Variants in BICRA observed in about 807,000 individuals in gnomAD.
The protein encoded by BICRA is BRD4 interacting chromatin remodeling complex associated protein, also known as BRD4-interacting chromatin-remodeling complex-associated protein.
BICRA carries 31 observed loss-of-function variants against 96.9 expected under a neutral mutation model. That is an observed-to-expected ratio of 0.32 (90% CI 0.24 to 0.43). BICRA has a LOEUF of 0.43. Ranked by LOEUF, BICRA falls within the 20% of genes least tolerant of loss-of-function variation. BICRA has a pLI of 1.00. For missense variants in BICRA, 2,283 were observed against 2,190.3 expected (o/e 1.04, Z -0.84); for synonymous variants, 1,350 against 1,071.8 (o/e 1.26, Z -5.07).
chr19:47,647,654 A>AT (rs1237047193), intron 1 of BICRA, among the ~76,000 whole-genome samples: 1 of 151,880 alleles, frequency 6.6e-6, no homozygotes, highest in African/African-American at 2.4e-5. Context: ...TTCTTGTAGA[A>AT]TCCTCCTTCC....
Position 47,680,191 on chromosome 19 carries a change from A to G in BICRA, c.1021A>G (p.Asn341Asp). ...CTCGTCGCCACTGGTCCCGGCGCCC[A>G]ACGTGATCCTGCATCGCACACCCAC... ...LGSSPLVPAP[N>D]VILHRTPTPI... Residue 341 changes from asparagine (N) to aspartate (D), a missense_variant, in exon 6 of 15, where the codon AAC (asparagine) becomes GAC (aspartate). Asn to Asp is a conservative substitution (Grantham distance 23, BLOSUM62 1). Transcript: ENST00000594866. 6.5e-7 allele frequency: 1 copy of G among 1,546,012 alleles called. No individual in the cohort carries two copies. The highest frequency in any genetic ancestry group is 8.7e-7 in the Non-Finnish European group (1 of 1,155,000).
chr19:47,692,906 CTT>C (rs1160497817), intron 7 of BICRA, among the ~76,000 whole-genome samples: 1 of 152,204 alleles, frequency 6.6e-6, no homozygotes, highest in Non-Finnish European at 1.5e-5. Flanking sequence ...ACTCAGTCAG[CTT>C]TGAGAAATGG....
intron 1 of BICRA, among the ~76,000 whole-genome samples, chr19:47,659,724 ACACACACACG>A (rs1292287963): frequency 1.5e-4 from 22 of 143,208 alleles, no homozygotes; most frequent in Non-Finnish European, 3.1e-4. Context: ...ACACACACAC[ACACACACACG>A]TTCTCTTCTC....
At position 47,694,124 on chromosome 19, in the gene BICRA, G is replaced by T; in HGVS notation, c.2293G>T (p.Ala765Ser). ...TCCCTCCCCTGCCCAGATCCCGGCA[G>T]CGGCTCCGCTGAAGGGCCCAGGCCC... is the stretch of plus-strand genomic sequence containing the variant. ...SPAPAPQIPA[A>S]APLKGPGPSS... Residue 765 changes from alanine to serine, a missense_variant, in exon 8 of 15, where the codon GCG (alanine) becomes TCG (serine). Physicochemically the swap from Ala to Ser is moderately conservative, Grantham distance 99. Coordinates refer to ENST00000594866, the MANE Select transcript of BICRA (RefSeq NM_001394372.1). 1 of 1,226,436 alleles carries T rather than the reference G, an allele frequency of 8.2e-7. No individual in the cohort carries two copies. The highest frequency in any genetic ancestry group is 6.3e-5 in the East Asian group (1 of 15,894). The allele number at this position is 1,226,436 out of a possible 1,614,324, so 76.0% of individuals were successfully genotyped here.
chr19:47,694,077 A>ACCCCCCCCCCCCCCCCC, intron 7 of BICRA, 38 bp from the exon 8 acceptor site: 1 of 1,410,510 alleles, frequency 7.1e-7, no homozygotes, highest in Non-Finnish European at 9.2e-7. Context: ...GTTGGTTCTG[A>ACCCCCCCCCCCCCCCCC]CCCCCGCCCC....
rs769430100 is a variant in BICRA at position 47,695,076 on chromosome 19, C to A, written c.3072C>A (p.Ala1024=). Residue 1024 remains alanine (A), a synonymous_variant, in exon 9 of 15, where the codon GCC becomes GCA. Coordinates refer to ENST00000594866, the MANE Select transcript of BICRA (RefSeq NM_001394372.1). ...SHAPAPAPMA[A]TGLPPLLPAE... ...CCCCCGCCCCGGCACCCATGGCCGCCACAGGTAGGAGAGAGGTCGCCTATG... is the reference window on the plus strand; with the variant it reads ...CCCCCGCCCCGGCACCCATGGCCGCAACAGGTAGGAGAGAGGTCGCCTATG... 1 of 1,493,748 alleles carries A rather than the reference C, an allele frequency of 6.7e-7. No individual in the cohort carries two copies. The highest frequency in any genetic ancestry group is 8.8e-7 in the Non-Finnish European group (1 of 1,130,750). The allele number at this position is 1,493,748 out of a possible 1,614,324, so 92.5% of individuals were successfully genotyped here.
Position 47,702,172 on chromosome 19 carries a change from C to G in BICRA, c.4440C>G (p.Pro1480=). 3 of 1,577,934 alleles carry G rather than the reference C, an allele frequency of 1.9e-6. No individual in the cohort carries two copies. The highest frequency in any genetic ancestry group is 2.6e-6 in the Non-Finnish European group (3 of 1,169,132). Residue 1480 remains proline, a synonymous_variant, in exon 15 of 15, where the codon CCC becomes CCG. Coordinates refer to ENST00000594866, the MANE Select transcript of BICRA (RefSeq NM_001394372.1). ...PPAKRRKSES[P]DVDQASFSSD... is the part of the protein sequence containing the mutation. The stretch of plus-strand genomic sequence containing the variant: ...CCAAGCGGCGCAAGTCCGAGTCGCC[C>G]GACGTGGACCAGGCCAGCTTCTCCA...
chr19:47,637,628 T>C (rs1972319602), intron 1 of BICRA, among the ~76,000 whole-genome samples: 1 of 152,198 alleles, frequency 6.6e-6, no homozygotes, highest in Non-Finnish European at 1.5e-5. Flanking sequence ...AACGGTCATC[T>C]CTGTCTAGTT....
In BICRA at chr19:47,614,181, C is replaced by T. The variant is rs539633429; in HGVS notation, c.-108+5013C>T. Among the ~76,000 whole-genome samples the T allele has an allele frequency of 1.1e-4, 17 of 152,070 alleles. 1 individual carries two copies. Among genetic ancestry groups the T allele is most frequent in the South Asian group, 4.2e-4 (2 of 4,814 alleles). On this transcript the variant is annotated intron_variant, in intron 1 of 14. Transcript: ENST00000594866. Reference sequence around the variant, plus strand: ...CCTTTTGTTCTAAGTGATACACACACGGGGCAAATTCAGAACACTAAAGAT... The same window carrying T: ...CCTTTTGTTCTAAGTGATACACACATGGGGCAAATTCAGAACACTAAAGAT...
chr19:47,639,170 AT>A (rs1972345602), intron 1 of BICRA, among the ~76,000 whole-genome samples: 2 of 147,314 alleles, frequency 1.4e-5, no homozygotes, highest in South Asian at 2.2e-4. Context: ...TACCTGACTA[AT>A]TTTTTTTCAT....
rs1973411823 is a variant in BICRA, at chr19:47,699,785, A to G, written c.3595+380A>G. Among the ~76,000 whole-genome samples, 1 of 152,116 alleles carries G rather than the reference A, an allele frequency of 6.6e-6. No homozygotes were observed. Among genetic ancestry groups the G allele is most frequent in the Admixed American group, 6.6e-5 (1 of 15,254 alleles). ...GACCCTGAGAGTGAGCACCTCCTTA[A>G]GTGTTGCACCTTAGGTGGCTCGCTG... On this transcript the variant is annotated intron_variant, in intron 14 of 14. Coordinates refer to ENST00000594866, the MANE Select transcript of BICRA (RefSeq NM_001394372.1). The surrounding 1 kb of genome is among the most constrained non-coding windows in gnomAD (Gnocchi z 5.0).
At chr19:47,673,544 C>G in intron 2 of BICRA, 26 bp from the exon 3 acceptor site, 10 of 1,603,726 alleles carry the variant, frequency 6.2e-6, no homozygotes, top group Non-Finnish European at 7.7e-6. Context: ...TCTCCCTCGC[C>G]CTCTTCCTGA....
chr19:47,613,555 C>T lies in BICRA; in HGVS notation c.-108+4387C>T, dbSNP rs140852493. Among the ~76,000 whole-genome samples, 40 of 152,270 alleles carry T rather than the reference C, an allele frequency of 2.6e-4. No individual in the cohort carries two copies. The East Asian group carries it at 7.7e-3, about 29-fold the overall frequency. ...GTAGAAACAAGAGCAGTCACCCGTG[C>T]CGTGTCCACGATGACAACTGCTGCC... On this transcript the variant is annotated intron_variant, in intron 1 of 14. Coordinates refer to ENST00000594866, the MANE Select transcript of BICRA (RefSeq NM_001394372.1).
intron 1 of BICRA, among the ~76,000 whole-genome samples, chr19:47,616,738 G>T (rs1971990796): frequency 6.6e-6 from 1 of 152,198 alleles, no homozygotes; most frequent in Middle Eastern, 3.4e-3. Flanking sequence ...ACGCTTCAAT[G>T]AGTGAAGACT....
chr19:47,630,521 T>A (rs1972207192), intron 1 of BICRA, among the ~76,000 whole-genome samples: 1 of 152,180 alleles, frequency 6.6e-6, no homozygotes, highest in Non-Finnish European at 1.5e-5. Context: ...ATCCAGTATT[T>A]GTCCTTTTGT....
intron 1 of BICRA, among the ~76,000 whole-genome samples, chr19:47,637,451 G>A (rs1160743475): frequency 2.0e-5 from 3 of 152,150 alleles, no homozygotes; most frequent in Middle Eastern, 3.2e-3. Context: ...GTCTTGCTCT[G>A]TTGCTCAGGC....
chr19:47,620,990 C>A (rs1972057503), intron 1 of BICRA, among the ~76,000 whole-genome samples: 1 of 152,104 alleles, frequency 6.6e-6, no homozygotes, highest in Non-Finnish European at 1.5e-5. Context: ...CCCTGGCTGC[C>A]TCCCTGGTGC....
chr19:47,635,564 A>AT lies in BICRA; in HGVS notation c.-108+26403dup, dbSNP rs968181152. On this transcript the variant is annotated intron_variant, in intron 1 of 14. Coordinates refer to ENST00000594866, the MANE Select transcript of BICRA (RefSeq NM_001394372.1). ...CACTGCACCTGTTTCTATTTCTAGG[A>AT]TTTTTTTCAAACAGAAGCTCGATAC... Among the ~76,000 whole-genome samples the AT allele has an allele frequency of 5.3e-5, 8 of 151,972 alleles. No homozygotes were observed. In the South Asian group the frequency reaches 1.7e-3, roughly 32 times the overall value.
intron 2 of BICRA, 113 bp from the exon 3 acceptor site, chr19:47,673,457 G>A: frequency 2.5e-6 from 2 of 798,860 alleles, no homozygotes; most frequent in Non-Finnish European, 4.4e-6. Context: ...TGGACTCAAG[G>A]GAACAGAAAC....
Sources: allele counts gnomAD v4.1 joint callset (sites outside exome capture counted in the v4.1 genomes callset), GRCh38; gene constraint gnomAD v4.1.1; non-coding constraint Gnocchi (gnomAD v3.1); transcripts MANE v1.5; gene names NCBI Gene and HGNC (gene_info 2026-07-23, HGNC 2026-07-21).